Variants in NXPH1 observed in about 807,000 individuals in gnomAD.
NXPH1 encodes neurexophilin 1.
A neutral mutation model predicts 23.7 loss-of-function variants in NXPH1; 5 were observed. The observed-to-expected ratio is 0.21, with a 90% CI of 0.11 to 0.44. NXPH1 has a LOEUF of 0.44. Ranked by LOEUF, NXPH1 falls within the 20% of genes least tolerant of loss-of-function variation. The pLI is 0.99. For missense variants in NXPH1, 324 were observed against 321.6 expected (o/e 1.01, Z -0.06); for synonymous variants, 144 against 122.2 (o/e 1.18, Z -1.18).
intron 2 of NXPH1, among the ~76,000 whole-genome samples, chr7:8,440,222 TC>T (rs1384015589): frequency 6.6e-6 from 1 of 152,220 alleles, no homozygotes; most frequent in Non-Finnish European, 1.5e-5. Context: ...TCTAGGCATT[TC>T]CCTGAAATGT....
At chr7:8,677,014 C>T (rs900231647) in intron 2 of NXPH1, among the ~76,000 whole-genome samples, 6 of 152,128 alleles carry the variant, frequency 3.9e-5, no homozygotes, top group South Asian at 2.1e-4. Context: ...CCAATTGTGT[C>T]CTTTAGTCTC....
At chr7:8,628,232 A>G (rs998540503) in intron 2 of NXPH1, among the ~76,000 whole-genome samples, 3 of 152,152 alleles carry the variant, frequency 2.0e-5, no homozygotes, top group African/African-American at 4.8e-5. Flanking sequence ...GAAATGAAAA[A>G]GTGCAAAGAA....
rs536270975 is a variant in NXPH1, at chr7:8,509,563, C to G, written c.54+73796C>G. Among the ~76,000 whole-genome samples the G allele has an allele frequency of 1.2e-3, 185 of 152,228 alleles. 1 individual carries two copies. The highest frequency in any genetic ancestry group is 4.4e-3 in the African/African-American group (183 of 41,570). The stretch of plus-strand genomic sequence containing the variant: ...AATTGGTAGTCCTCTGATTCTTCTG[C>G]TCCATTGTATTCCCCCTTCTTTTTC... On this transcript the variant is annotated intron_variant, in intron 2 of 2. Coordinates refer to ENST00000405863, the MANE Select transcript of NXPH1 (RefSeq NM_152745.3).
At chr7:8,582,988 G>A (rs1164588997) in intron 2 of NXPH1, among the ~76,000 whole-genome samples, 1 of 152,192 alleles carries the variant, frequency 6.6e-6, no homozygotes, top group Non-Finnish European at 1.5e-5. Flanking sequence ...ATGCCTGTTG[G>A]CACCCAAAGT....
chr7:8,691,251 C>T (rs1214627865), intron 2 of NXPH1, among the ~76,000 whole-genome samples: 2 of 152,100 alleles, frequency 1.3e-5, no homozygotes, highest in Non-Finnish European at 2.9e-5. Flanking sequence ...TGGGTTCAAG[C>T]AATTCTCCTC....
At chr7:8,464,599 G>T (rs966565096) in intron 2 of NXPH1, among the ~76,000 whole-genome samples, 5 of 152,182 alleles carry the variant, frequency 3.3e-5, no homozygotes, top group African/African-American at 9.7e-5. Context: ...GAGTCAAGAA[G>T]ATCTAGATTT....
At chr7:8,635,697 C>T (rs920478509) in intron 2 of NXPH1, among the ~76,000 whole-genome samples, 3 of 152,108 alleles carry the variant, frequency 2.0e-5, no homozygotes, top group Non-Finnish European at 2.9e-5. Flanking sequence ...ACAGATCAAC[C>T]CCCTATAGAA....
At chr7:8,538,958 G>C (rs1008795474) in intron 2 of NXPH1, among the ~76,000 whole-genome samples, 2 of 151,802 alleles carry the variant, frequency 1.3e-5, no homozygotes, top group Non-Finnish European at 2.9e-5. Context: ...ACTAGTGGTT[G>C]GTAGATGTGT....
At chr7:8,539,703 A>G (rs571533196) in intron 2 of NXPH1, among the ~76,000 whole-genome samples, 1 of 151,986 alleles carries the variant, frequency 6.6e-6, no homozygotes, top group African/African-American at 2.4e-5. Context: ...ATCAATGCAC[A>G]TGTATTAATA....
chr7:8,472,582 C>A (rs2128608567), intron 2 of NXPH1, among the ~76,000 whole-genome samples: 1 of 152,164 alleles, frequency 6.6e-6, no homozygotes, highest in Non-Finnish European at 1.5e-5. Context: ...GCCACACTTC[C>A]TTGGTGGAAG....
intron 2 of NXPH1, among the ~76,000 whole-genome samples, chr7:8,616,173 C>T (rs1819732701): frequency 6.6e-6 from 1 of 152,016 alleles, no homozygotes; most frequent in Non-Finnish European, 1.5e-5. Context: ...ATCTTTCACT[C>T]TCTTCTTACA....
chr7:8,625,557 A>T (rs960939965), intron 2 of NXPH1, among the ~76,000 whole-genome samples: 12 of 152,176 alleles, frequency 7.9e-5, no homozygotes, highest in African/African-American at 2.9e-4. Context: ...ACACAGTCTC[A>T]AGTAGACTAT....
intron 2 of NXPH1, among the ~76,000 whole-genome samples, chr7:8,504,273 A>C (rs1367015128): frequency 6.6e-6 from 1 of 151,984 alleles, no homozygotes; most frequent in Non-Finnish European, 1.5e-5. Flanking sequence ...TTATTAGATC[A>C]CAAATTCCTT....
intron 2 of NXPH1, among the ~76,000 whole-genome samples, chr7:8,438,878 AT>A (rs745857056): frequency 1.3e-5 from 2 of 152,136 alleles, no homozygotes; most frequent in African/African-American, 2.4e-5. Context: ...ATAGAAGCTT[AT>A]TTTAGTACTT....
intron 2 of NXPH1, among the ~76,000 whole-genome samples, chr7:8,517,416 T>A (rs1160140549): frequency 6.6e-6 from 1 of 152,168 alleles, no homozygotes; most frequent in Non-Finnish European, 1.5e-5. Flanking sequence ...TTGACATGGC[T>A]GAAGCATAGA....
Position 8,679,760 on chromosome 7 carries a change from C to G in NXPH1, c.55-71248C>G, listed in dbSNP as rs146603370. Among the ~76,000 whole-genome samples, 910 of 152,316 alleles carry G rather than the reference C, an allele frequency of 6.0e-3. 8 individuals are homozygous for G. Among genetic ancestry groups the G allele is most frequent in the African/African-American group, 0.021 (864 of 41,578 alleles). On this transcript the variant is annotated intron_variant, in intron 2 of 2. Coordinates refer to ENST00000405863, the MANE Select transcript of NXPH1 (RefSeq NM_152745.3). ...AAGCTAGGCTGGGCGCAGTGGCTCA[C>G]GCCTGTAATCCCAACACTTTGGGAG... is the stretch of plus-strand genomic sequence containing the variant.
At chr7:8,668,535 G>A (rs2115167855) in intron 2 of NXPH1, among the ~76,000 whole-genome samples, 1 of 152,166 alleles carries the variant, frequency 6.6e-6, no homozygotes, top group East Asian at 1.9e-4. Flanking sequence ...ATCCACTTGG[G>A]TAGACCTGTT....
intron 2 of NXPH1, among the ~76,000 whole-genome samples, chr7:8,441,332 A>G (rs1272918312): frequency 6.6e-6 from 1 of 152,064 alleles, no homozygotes; most frequent in Non-Finnish European, 1.5e-5. Context: ...TTTATCCACT[A>G]GTCAAGTTCC....
chr7:8,579,363 G>GT lies in NXPH1; in HGVS notation c.54+143608dup, dbSNP rs752413628. Among the ~76,000 whole-genome samples, 810 of 113,718 alleles carry GT rather than the reference G, an allele frequency of 7.1e-3. 12 individuals are homozygous for GT. Among genetic ancestry groups the GT allele is most frequent in the Admixed American group, 0.033 (399 of 12,166 alleles). 74.6% of individuals were successfully genotyped at this position (113,718 alleles called of 152,430 possible). A position where few individuals can be genotyped will look rare whatever the true frequency, so the allele number is the denominator to read the frequency against. ...GATTCATGGAATTCAAGTTTTTTTT[G>GT]TTTTTTTTTTTTGTTTTGTTTTTCT... On this transcript the variant is annotated intron_variant, in intron 2 of 2. Coordinates refer to ENST00000405863, the MANE Select transcript of NXPH1 (RefSeq NM_152745.3).
Sources: allele counts gnomAD v4.1 joint callset (sites outside exome capture counted in the v4.1 genomes callset), GRCh38; gene constraint gnomAD v4.1.1; transcripts MANE v1.5; gene names NCBI Gene and HGNC (gene_info 2026-07-23, HGNC 2026-07-21).